The following CAMTA1 variants were observed in gnomAD, a reference collection of about 807,000 sequenced individuals.
The protein encoded by CAMTA1 is calmodulin binding transcription activator 1.
In CAMTA1, 27 loss-of-function variants were observed where a neutral mutation model predicts 170.9. That is an observed-to-expected ratio of 0.16 (90% CI 0.12 to 0.22). The LOEUF is 0.22. CAMTA1 is among the 10% of genes least tolerant of loss of function. The pLI is 1.00. For missense variants in CAMTA1, 1,619 were observed against 2,217.2 expected, an observed-to-expected ratio of 0.73 and a Z score of 5.42; for synonymous variants, 833 against 891.5, an observed-to-expected ratio of 0.93 and a Z score of 1.17.
chr1:7,715,291 C>T (rs1430723736), intron 11 of CAMTA1, among the ~76,000 whole-genome samples: 1 of 152,158 alleles, frequency 6.6e-6, no homozygotes, highest in African/African-American at 2.4e-5. Flanking sequence ...AAACAGTGCA[C>T]AGTGCCACCG....
chr1:7,380,522 C>T (rs112155550), intron 5 of CAMTA1, among the ~76,000 whole-genome samples: 6,522 of 152,134 alleles, frequency 0.043, 180 homozygotes, highest in Middle Eastern at 0.078. Context: ...TGCAGTGAGC[C>T]GAGATCATGC....
intron 6 of CAMTA1, among the ~76,000 whole-genome samples, chr1:7,549,209 C>G (rs1409090884): frequency 6.6e-6 from 1 of 150,650 alleles, no homozygotes; most frequent in Non-Finnish European, 1.5e-5. Context: ...GGAGGGTGCC[C>G]CCTTAGGGGT....
At chr1:7,697,019 A>G (rs1220158331) in intron 11 of CAMTA1, among the ~76,000 whole-genome samples, 3 of 152,196 alleles carry the variant, frequency 2.0e-5, no homozygotes, top group African/African-American at 4.8e-5. Context: ...TGGCTACAGA[A>G]TAAGATTCCG....
intron 6 of CAMTA1, among the ~76,000 whole-genome samples, chr1:7,573,471 A>G (rs2095149397): frequency 6.6e-6 from 1 of 152,154 alleles, no homozygotes; most frequent in South Asian, 2.1e-4. Context: ...CTAATAAATT[A>G]CCACTGACCG....
At chr1:7,689,503 C>T (rs1222141583) in intron 11 of CAMTA1, among the ~76,000 whole-genome samples, 2 of 152,010 alleles carry the variant, frequency 1.3e-5, no homozygotes, top group African/African-American at 4.8e-5. Flanking sequence ...CGCTTGAGCC[C>T]TGGAGGTTGA....
At chr1:7,469,427 T>C (rs1295767810) in intron 6 of CAMTA1, among the ~76,000 whole-genome samples, 1 of 152,228 alleles carries the variant, frequency 6.6e-6, no homozygotes, top group South Asian at 2.1e-4. Context: ...AGTCAGAGCA[T>C]GTCCTTGAGT....
At chr1:7,175,809 G>C (rs1002360054) in intron 4 of CAMTA1, among the ~76,000 whole-genome samples, 1 of 152,264 alleles carries the variant, frequency 6.6e-6, no homozygotes, top group African/African-American at 2.4e-5. Context: ...CAGCCCCCAG[G>C]TATTTGCAGG....
intron 4 of CAMTA1, among the ~76,000 whole-genome samples, chr1:7,197,628 CCACACACACACACACACACA>C (rs3222484): frequency 0.056 from 6,169 of 109,844 alleles, 435 homozygotes; most frequent in African/African-American, 0.17. Context: ...TTGTCCCCCA[CCACACACACACACACACACA>C]CACACACACA....
chr1:7,630,225 C>T (rs1396866016), intron 6 of CAMTA1, among the ~76,000 whole-genome samples: 8 of 152,164 alleles, frequency 5.3e-5, no homozygotes, highest in East Asian at 1.9e-4. Flanking sequence ...TTGGGTGGGA[C>T]TGTTTCAGAG....
At chr1:7,142,170 C>G (rs1351629693) in intron 4 of CAMTA1, 1 of 518,174 alleles carries the variant, frequency 1.9e-6, no homozygotes, top group Non-Finnish European at 3.9e-6. Context: ...ACTGCCAGCA[C>G]CCTCCCAGGC....
At chr1:7,398,179 CTCTCTCTCTCTCTCTATATATATATATA>C (rs1229512549) in intron 5 of CAMTA1, among the ~76,000 whole-genome samples, 9 of 43,760 alleles carry the variant, frequency 2.1e-4, no homozygotes, top group African/African-American at 8.1e-4. Flanking sequence ...CTCTCTCTCT[CTCTCTCTCTCTCTCTATATATATATATA>C]TATATATATA....
At chr1:7,542,024 A>AT (rs933489889) in intron 6 of CAMTA1, among the ~76,000 whole-genome samples, 4 of 151,526 alleles carry the variant, frequency 2.6e-5, no homozygotes, top group Non-Finnish European at 5.9e-5. Context: ...ATGAATGGCT[A>AT]TTTTTTTTTA....
intron 5 of CAMTA1, among the ~76,000 whole-genome samples, chr1:7,398,183 CTCTCTCTCTCTATATATATATATATATA>C (rs1458264011): frequency 2.8e-3 from 126 of 45,224 alleles, no homozygotes; most frequent in African/African-American, 0.01. Context: ...CTCTCTCTCT[CTCTCTCTCTCTATATATATATATATATA>C]TATATATATA....
In CAMTA1 at chr1:7,552,878, G is replaced by A. The variant is rs145895877; in HGVS notation, c.510+84977G>A. ...GTTACAGTCCAAGGAGCACGGAGCCGCACGGAGAGCCTCTTACCCTGTTTC... is the reference window on the plus strand; with the variant it reads ...GTTACAGTCCAAGGAGCACGGAGCCACACGGAGAGCCTCTTACCCTGTTTC... On this transcript the variant is annotated intron_variant, in intron 6 of 22. Coordinates refer to ENST00000303635, the MANE Select transcript of CAMTA1 (RefSeq NM_015215.4). 2.0e-3 allele frequency among the ~76,000 whole-genome samples: 299 copies of A among 152,334 alleles called. 3 individuals carry two copies. Among genetic ancestry groups the A allele is most frequent in the Non-Finnish European group, 2.5e-3 (171 of 68,038 alleles).
At chr1:7,490,069 A>T (rs774501162) in intron 6 of CAMTA1, among the ~76,000 whole-genome samples, 10 of 152,348 alleles carry the variant, frequency 6.6e-5, no homozygotes, top group Admixed American at 2.6e-4. Flanking sequence ...CCTCTGCTTC[A>T]GGGTGACTGC....
At chr1:7,566,652 A>G (rs1381783625) in intron 6 of CAMTA1, among the ~76,000 whole-genome samples, 5 of 152,182 alleles carry the variant, frequency 3.3e-5, no homozygotes, top group Admixed American at 3.3e-4. Flanking sequence ...TGGCTGGGCC[A>G]CAGAGCCCTC....
intron 3 of CAMTA1, among the ~76,000 whole-genome samples, chr1:7,043,626 G>A (rs1157432290): frequency 6.6e-6 from 1 of 152,140 alleles, no homozygotes; most frequent in African/African-American, 2.4e-5. Flanking sequence ...TCTTTGGTTG[G>A]TCATCTTCCT....
chr1:7,675,658 G>A (rs1050488812), intron 10 of CAMTA1, among the ~76,000 whole-genome samples: 1 of 152,160 alleles, frequency 6.6e-6, no homozygotes, highest in African/African-American at 2.4e-5. Context: ...CAGGTGCGCT[G>A]ATGTTGCCTT....
chr1:6,972,873 C>G (rs891269224), intron 3 of CAMTA1, among the ~76,000 whole-genome samples: 1 of 151,886 alleles, frequency 6.6e-6, no homozygotes, highest in Non-Finnish European at 1.5e-5. Flanking sequence ...TTTTTTGAGA[C>G]GGAGTGTTGC....
Sources: allele counts gnomAD v4.1 joint callset (sites outside exome capture counted in the v4.1 genomes callset), GRCh38; gene constraint gnomAD v4.1.1; transcripts MANE v1.5; gene names NCBI Gene and HGNC (gene_info 2026-07-23, HGNC 2026-07-21).